Variants in NCKAP5 observed in about 807,000 individuals in gnomAD.
NCKAP5 encodes the protein nck-associated protein 5.
In NCKAP5, 92 loss-of-function variants were observed where a neutral mutation model predicts 167.0. The ratio of observed to expected loss-of-function variants is 0.55; its 90% CI spans 0.47 to 0.66. The LOEUF is 0.66. Ranked by LOEUF, NCKAP5 falls within the 30% of genes least tolerant of loss-of-function variation. The pLI, the probability that NCKAP5 is intolerant of heterozygous loss-of-function variation, is 0.00. For missense variants in NCKAP5, 2,378 were observed against 2,315.0 expected (o/e 1.03, Z -0.56); for synonymous variants, 891 against 877.4 (o/e 1.02, Z -0.27).
the NCKAP5 span, among the ~76,000 whole-genome samples, chr2:133,614,194 G>A: frequency 2.0e-5 from 3 of 152,138 alleles, no homozygotes. Flanking sequence ...TCTCAACAGG[G>A]AGTCTCGTGG....
intron 6 of NCKAP5, among the ~76,000 whole-genome samples, chr2:133,023,819 T>A (rs569458577): frequency 1.3e-5 from 2 of 152,208 alleles, no homozygotes; most frequent in African/African-American, 4.8e-5. Flanking sequence ...ATGGTATATA[T>A]GTACCACATT....
chr2:133,017,270 C>T (rs762814834), intron 6 of NCKAP5, among the ~76,000 whole-genome samples: 3 of 152,178 alleles, frequency 2.0e-5, no homozygotes, highest in South Asian at 2.1e-4. Context: ...TGTCCACCTT[C>T]GAGGCATTTA....
intron 4 of NCKAP5, among the ~76,000 whole-genome samples, chr2:133,267,994 T>TGCTGG (rs2089322960): frequency 6.6e-6 from 1 of 152,214 alleles, no homozygotes; most frequent in Non-Finnish European, 1.5e-5. Flanking sequence ...TCTTCTCAAG[T>TGCTGG]GCTGGGAAAT....
At chr2:133,120,992 A>G (rs965873801) in intron 6 of NCKAP5, among the ~76,000 whole-genome samples, 3 of 152,084 alleles carry the variant, frequency 2.0e-5, no homozygotes, top group African/African-American at 7.2e-5. Context: ...GGCAAAGGTT[A>G]TTGGTGATTG....
intron 4 of NCKAP5, among the ~76,000 whole-genome samples, chr2:133,290,968 A>G (rs993269450): frequency 6.6e-6 from 1 of 151,802 alleles, no homozygotes; most frequent in Non-Finnish European, 1.5e-5. Context: ...CAGACTGCCC[A>G]CCTCTGTCTC....
rs376748822 is a variant in NCKAP5 at position 132,675,059 on chromosome 2, C to T, written c.5714-1754G>A. On this transcript the variant is annotated intron_variant, in intron 19 of 19. Coordinates refer to ENST00000409261, the MANE Select transcript of NCKAP5 (RefSeq NM_207363.3). Reference sequence around the variant, plus strand: ...AATTTTCTCTTTACCTGGATGTCTTCTCCATTTTTCTTCATTTAAGAACCA... The same window carrying T: ...AATTTTCTCTTTACCTGGATGTCTTTTCCATTTTTCTTCATTTAAGAACCA... 7.2e-5 allele frequency among the ~76,000 whole-genome samples: 11 copies of T among 152,222 alleles called. No individual in the cohort carries two copies. In the East Asian group the frequency reaches 1.3e-3, roughly 19 times the overall value.
At position 133,403,496 on chromosome 2, in the gene NCKAP5, T is replaced by C. The variant is rs188364338; in HGVS notation, c.70-100386A>G. Among the ~76,000 whole-genome samples the C allele has an allele frequency of 1.2e-4, 19 of 152,330 alleles. No homozygotes were observed. In the East Asian group the frequency reaches 3.5e-3, roughly 28 times the overall value. ...TATTGAGTTTTGAAAATTTTGGATG[T>C]CTAGTGTTTAACACAAGACTCATGG... On this transcript the variant is annotated intron_variant, in intron 3 of 19. Coordinates refer to ENST00000409261, the MANE Select transcript of NCKAP5 (RefSeq NM_207363.3).
chr2:133,488,596 G>A (rs1054838868), intron 3 of NCKAP5, among the ~76,000 whole-genome samples: 2 of 152,170 alleles, frequency 1.3e-5, no homozygotes, highest in Non-Finnish European at 2.9e-5. Context: ...CACTTTGGGA[G>A]GCAAGGCAGG....
chr2:133,105,862 T>C (rs2081667215), intron 6 of NCKAP5, among the ~76,000 whole-genome samples: 1 of 152,224 alleles, frequency 6.6e-6, no homozygotes, highest in Non-Finnish European at 1.5e-5. Flanking sequence ...GAGTTTTTAG[T>C]GATTTTTTCT....
intron 11 of NCKAP5, among the ~76,000 whole-genome samples, chr2:132,838,286 T>C (rs1688043186): frequency 6.6e-6 from 1 of 152,086 alleles, no homozygotes; most frequent in Admixed American, 6.5e-5. Context: ...GCTTCTTCTG[T>C]TTAATTAATT....
intron 7 of NCKAP5, among the ~76,000 whole-genome samples, chr2:132,979,570 G>A (rs897988523): frequency 2.0e-5 from 3 of 152,124 alleles, no homozygotes; most frequent in South Asian, 2.1e-4. Context: ...ACATCAGGCC[G>A]CTTGTGAGTG....
chr2:132,725,588 A>C (rs369774609), intron 19 of NCKAP5, 39 bp downstream of exon 19: 1 of 1,581,032 alleles, frequency 6.3e-7, no homozygotes. Context: ...CTTCCCAGAG[A>C]GAGGAACCTG....
At chr2:132,884,887 C>G (rs1692092115) in intron 8 of NCKAP5, among the ~76,000 whole-genome samples, 1 of 152,206 alleles carries the variant, frequency 6.6e-6, no homozygotes, top group African/African-American at 2.4e-5. Context: ...TGCAATCGAT[C>G]CATTCAGATA....
chr2:133,535,578 G>A (rs1685697399), intron 2 of NCKAP5, among the ~76,000 whole-genome samples: 1 of 151,802 alleles, frequency 6.6e-6, no homozygotes, highest in Non-Finnish European at 1.5e-5. Context: ...CACTTAGGTT[G>A]ATTCCATATC....
At chr2:132,973,509 C>A (rs1294147919) in intron 7 of NCKAP5, among the ~76,000 whole-genome samples, 1 of 152,198 alleles carries the variant, frequency 6.6e-6, no homozygotes, top group East Asian at 1.9e-4. Flanking sequence ...CATAGACTCA[C>A]TCAAAGGTCT....
chr2:133,048,633 T>C (rs951287821), intron 6 of NCKAP5, among the ~76,000 whole-genome samples: 2 of 152,222 alleles, frequency 1.3e-5, no homozygotes, highest in Non-Finnish European at 2.9e-5. Flanking sequence ...CAAATTAAAA[T>C]TCAATCTAGT....
In NCKAP5 at chr2:132,782,394, C is replaced by A; in HGVS notation, c.4417G>T (p.Glu1473Ter). The change falls in exon 14 of 20, where the codon GAA becomes TAA. Residue 1473 changes from glutamate to a stop codon, truncating the protein, a stop_gained. Coordinates refer to ENST00000409261, the MANE Select transcript of NCKAP5 (RefSeq NM_207363.3). LOFTEE classifies it high-confidence loss of function. Reference protein sequence around the residue: ...SSEAPLSPTIEEKVMLCIQEN... With the variant: ...SSEAPLSPTI ...TGAATGCACAACATGACCTTTTCTTCGATTGTGGGTGAGAGGGGGGCTTCT... is the reference window on the plus strand; with the variant it reads ...TGAATGCACAACATGACCTTTTCTTAGATTGTGGGTGAGAGGGGGGCTTCT... 1 of 1,614,024 alleles carries A rather than the reference C, an allele frequency of 6.2e-7. No homozygotes were observed. The highest frequency in any genetic ancestry group is 8.5e-7 in the Non-Finnish European group (1 of 1,179,908).
In NCKAP5 at chr2:133,090,565, G is replaced by C. The variant is rs144194172; in HGVS notation, c.341+39413C>G. 4.7e-4 allele frequency among the ~76,000 whole-genome samples: 71 copies of C among 152,218 alleles called. No individual in the cohort carries two copies. The East Asian group carries it at 0.013, about 28-fold the overall frequency. On this transcript the variant is annotated intron_variant, in intron 6 of 19. Transcript: ENST00000409261. Reference sequence around the variant, plus strand: ...GAGCCCAAGGGAATGTGGCTCTGCAGACACCTTGATTACAAACATCTGGCC... The same window carrying C: ...GAGCCCAAGGGAATGTGGCTCTGCACACACCTTGATTACAAACATCTGGCC...
At chr2:132,679,596 A>C (rs1431107733) in intron 19 of NCKAP5, among the ~76,000 whole-genome samples, 1 of 152,142 alleles carries the variant, frequency 6.6e-6, no homozygotes, top group East Asian at 1.9e-4. Flanking sequence ...TTGCACAGAG[A>C]AGTGTCTCCA....
Sources: gnomAD v4.1 joint callset for allele counts (sites outside exome capture counted in the v4.1 genomes callset) on GRCh38, gnomAD v4.1.1 for gene constraint, MANE v1.5 for transcripts, NCBI Gene and HGNC (gene_info 2026-07-23, HGNC 2026-07-21) for gene names.